The following HORMAD1 variants were observed in gnomAD, a reference collection of about 807,000 sequenced individuals.
HORMAD1 encodes the protein HORMA domain containing 1, also known as HORMA domain-containing protein 1.
HORMAD1 carries 33 observed loss-of-function variants against 58.2 expected under a neutral mutation model. The ratio of observed to expected loss-of-function variants is 0.57; its 90% CI spans 0.43 to 0.76. HORMAD1 has a LOEUF of 0.76. Ranked by LOEUF, HORMAD1 falls within the 30% of genes least tolerant of loss-of-function variation. The pLI is 0.00. For missense variants in HORMAD1, 363 were observed against 462.0 expected, an observed-to-expected ratio of 0.79 and a Z score of 1.96; for synonymous variants, 137 against 144.6, an observed-to-expected ratio of 0.95 and a Z score of 0.38.
chr1:150,711,439 AT>A, intron 7 of HORMAD1, 105 bp downstream of exon 7: 1 of 844,438 alleles, frequency 1.2e-6, no homozygotes, highest in African/African-American at 1.7e-5. Flanking sequence ...ATGAAAGTAT[AT>A]TGATTAAAGC....
intron 1 of HORMAD1, among the ~76,000 whole-genome samples, chr1:150,720,543 TACTAA>T (rs1297518106): frequency 5.9e-5 from 9 of 152,294 alleles, no homozygotes; most frequent in African/African-American, 1.9e-4. Context: ...TGGAAGAGTT[TACTAA>T]AGAGGCAAAC....
At chr1:150,704,880 T>C (rs1337724565) in intron 10 of HORMAD1, among the ~76,000 whole-genome samples, 1 of 151,620 alleles carries the variant, frequency 6.6e-6, no homozygotes, top group Non-Finnish European at 1.5e-5. Context: ...TCGTCTCTAC[T>C]AAAAATACAA....
At chr1:150,702,424 A>G (rs903733572) in intron 13 of HORMAD1, among the ~76,000 whole-genome samples, 22 of 152,348 alleles carry the variant, frequency 1.4e-4, no homozygotes, top group African/African-American at 5.1e-4. Flanking sequence ...ATTACTAGGT[A>G]TATACCCAGA....
At chr1:150,708,588 A>G (rs747650680) in intron 8 of HORMAD1, among the ~76,000 whole-genome samples, 181 bp from the exon 9 acceptor site, 1 of 152,238 alleles carries the variant, frequency 6.6e-6, no homozygotes, top group Admixed American at 6.5e-5. Flanking sequence ...GCTAGAAATA[A>G]TAACTTAATT....
chr1:150,698,596 G>C lies in HORMAD1; in HGVS notation c.*58C>G, dbSNP rs185895111. On this transcript the variant is annotated 3_prime_UTR_variant, in exon 15 of 15. Transcript: ENST00000361824. ...TCAGAGTTAGGGAAATATAATATAGGGTCCTTCAGTTTAAATGGTGAGAAG... is the reference window on the plus strand; with the variant it reads ...TCAGAGTTAGGGAAATATAATATAGCGTCCTTCAGTTTAAATGGTGAGAAG... 4.6e-6 allele frequency: 4 copies of C among 864,500 alleles called. No individual in the cohort carries two copies. Among genetic ancestry groups the C allele is most frequent in the East Asian group, 2.5e-5 (1 of 40,262 alleles). The allele number at this position is 864,500 out of a possible 1,614,324, so 53.6% of individuals were successfully genotyped here.
At chr1:150,719,654 T>C in intron 1 of HORMAD1, 116 bp from the exon 2 acceptor site, 1 of 515,238 alleles carries the variant, frequency 1.9e-6, no homozygotes. Flanking sequence ...TTTCTTTAAT[T>C]AAAATAGAGT....
intron 9 of HORMAD1, among the ~76,000 whole-genome samples, chr1:150,707,454 G>A (rs1651729551): frequency 6.6e-6 from 1 of 152,084 alleles, no homozygotes; most frequent in African/African-American, 2.4e-5. Flanking sequence ...TTTCCAGTTT[G>A]TTCCTATTTT....
intron 7 of HORMAD1, among the ~76,000 whole-genome samples, chr1:150,710,538 A>G (rs1651842342): frequency 1.3e-5 from 2 of 152,210 alleles, no homozygotes; most frequent in Non-Finnish European, 2.9e-5. Context: ...AAAATGCACA[A>G]CTATATAACA....
In HORMAD1 at chr1:150,703,319, C is replaced by G; in HGVS notation, c.1023G>C (p.Gln341His). The G allele has an allele frequency of 6.5e-7, 1 of 1,538,154 alleles. No homozygotes were observed. Among genetic ancestry groups the G allele is most frequent in the Non-Finnish European group, 8.9e-7 (1 of 1,120,232 alleles). Residue 341 changes from glutamine (Q) to histidine (H), a missense_variant, in exon 13 of 15, where the codon CAG becomes CAC. This residue lies in a region of HORMAD1 where 226 missense variants were observed against 257.8 expected (regional missense o/e 0.88). Coordinates refer to ENST00000361824, the MANE Select transcript of HORMAD1 (RefSeq NM_032132.5). ...CTAAAGAGATATTTACCATTTTATTCTGAAAGACTTTTCCACTTCTTGTTT... is the reference window on the plus strand; with the variant it reads ...CTAAAGAGATATTTACCATTTTATTGTGAAAGACTTTTCCACTTCTTGTTT... ...ESKTRSGKVF[Q>H]NKMANGNQPV...
chr1:150,716,890 G>A (rs2101888695), intron 3 of HORMAD1, among the ~76,000 whole-genome samples: 1 of 150,488 alleles, frequency 6.6e-6, no homozygotes, highest in Non-Finnish European at 1.5e-5. Flanking sequence ...GTGAACCCAG[G>A]AGGTGGAGCT....
chr1:150,720,564 A>G (rs1405050166), intron 1 of HORMAD1, among the ~76,000 whole-genome samples: 1 of 152,190 alleles, frequency 6.6e-6, no homozygotes, highest in African/African-American at 2.4e-5. Context: ...CAAACTTCAT[A>G]GAAGAACCTA....
chr1:150,716,041 C>G (rs1013031324), intron 3 of HORMAD1, among the ~76,000 whole-genome samples: 14 of 150,992 alleles, frequency 9.3e-5, no homozygotes, highest in African/African-American at 3.4e-4. Flanking sequence ...GTGGTACAGC[C>G]ATGCAATAGA....
intron 8 of HORMAD1, 39 bp downstream of exon 8, chr1:150,708,855 G>T: frequency 1.0e-6 from 1 of 1,003,874 alleles, no homozygotes; most frequent in South Asian, 1.3e-5. Flanking sequence ...ATGAATAAGT[G>T]GTAATCTGTA....
chr1:150,704,920 G>A (rs1651648712), intron 10 of HORMAD1, among the ~76,000 whole-genome samples: 1 of 152,076 alleles, frequency 6.6e-6, no homozygotes, highest in African/African-American at 2.4e-5. Flanking sequence ...GCACATGCTT[G>A]TAATCCCAGC....
intron 9 of HORMAD1, 139 bp from the exon 10 acceptor site, chr1:150,706,948 C>T: frequency 1.5e-6 from 1 of 660,482 alleles, no homozygotes; most frequent in Admixed American, 3.5e-5. Context: ...TACTCTCCTG[C>T]TATGTCCAAG....
chr1:150,714,720 G>C, intron 3 of HORMAD1, 42 bp from the exon 4 acceptor site: 2 of 943,506 alleles, frequency 2.1e-6, no homozygotes, highest in South Asian at 1.9e-5. Context: ...CTTAAGAAAA[G>C]TAAACAACTA....
intron 4 of HORMAD1, 49 bp from the exon 5 acceptor site, chr1:150,714,170 A>T (rs1344412461): frequency 8.9e-7 from 1 of 1,126,692 alleles, no homozygotes; most frequent in African/African-American, 1.6e-5. Flanking sequence ...CATTTCCAGA[A>T]AATAGTTATT....
chr1:150,701,737 C>A (rs961922981), intron 13 of HORMAD1: 1 of 151,986 alleles, frequency 6.6e-6, no homozygotes, highest in Non-Finnish European at 1.5e-5. Context: ...ATAATTCATA[C>A]CAAAAGCTAA....
At chr1:150,716,699 C>T (rs956070234) in intron 3 of HORMAD1, among the ~76,000 whole-genome samples, 4 of 151,138 alleles carry the variant, frequency 2.6e-5, no homozygotes, top group South Asian at 2.1e-4. Context: ...CGCGGTGGCT[C>T]ACGCCTGTAA....
Sources: allele counts gnomAD v4.1 joint callset (sites outside exome capture counted in the v4.1 genomes callset), GRCh38; gene constraint gnomAD v4.1.1; regional missense constraint gnomAD v4.1.1; transcripts MANE v1.5; gene names NCBI Gene and HGNC (gene_info 2026-07-23, HGNC 2026-07-21).